TMEM131L: variants seen among roughly 807,000 people sequenced by gnomAD.
TMEM131L encodes the protein transmembrane 131 like.
TMEM131L carries 54 observed loss-of-function variants against 192.2 expected under a neutral mutation model. The observed-to-expected ratio is 0.28, with a 90% CI of 0.23 to 0.35. The LOEUF (loss-of-function observed/expected upper bound fraction) is 0.35. Among genes scored for constraint, TMEM131L ranks in the 10% least tolerant of loss-of-function variants. TMEM131L has a pLI of 1.00. For synonymous variants in TMEM131L, 701 were observed against 704.9 expected (o/e 0.99, Z 0.09); for missense variants, 1,888 against 1,972.9 (o/e 0.96, Z 0.82).
chr4:153,482,531 G>A (rs1173369380), intron 3 of TMEM131L, among the ~76,000 whole-genome samples: 2 of 152,126 alleles, frequency 1.3e-5, no homozygotes, highest in African/African-American at 4.8e-5. Flanking sequence ...CAGAAAAATA[G>A]TACAGTAAGA....
chr4:153,595,724 A>AAAAC (rs201994723), intron 19 of TMEM131L, among the ~76,000 whole-genome samples: 38,924 of 149,642 alleles, frequency 0.26, 5,492 homozygotes, highest in Non-Finnish European at 0.33. Context: ...CAAAAAAAAA[A>AAAAC]AAAAACACGA....
At chr4:153,557,142 G>C in intron 6 of TMEM131L, 60 bp downstream of exon 6, 1 of 760,618 alleles carries the variant, frequency 1.3e-6, no homozygotes, top group South Asian at 1.5e-5. Context: ...AGGGGTGTGT[G>C]TGTATATTTT....
chr4:153,481,910 G>A (rs1309396244), intron 3 of TMEM131L, among the ~76,000 whole-genome samples: 1 of 151,646 alleles, frequency 6.6e-6, no homozygotes, highest in Non-Finnish European at 1.5e-5. Context: ...GCAGTGACGC[G>A]ATCTCGGCTC....
At chr4:153,469,235 A>G (rs534967679) in intron 2 of TMEM131L, among the ~76,000 whole-genome samples, 91 of 152,226 alleles carry the variant, frequency 6.0e-4, no homozygotes, top group African/African-American at 2.1e-3. Flanking sequence ...ATAATTTTCT[A>G]AATACTTCAT....
rs145871674 is a variant in TMEM131L at position 153,607,062 on chromosome 4, A to T, written c.3418+2632A>T. Among the ~76,000 whole-genome samples, 22 of 152,368 alleles carry T rather than the reference A, an allele frequency of 1.4e-4. No individual in the cohort carries two copies. The East Asian group carries it at 4.2e-3, about 29-fold the overall frequency. ...ATGTACAATTTAAAATTGTTCAAGA[A>T]TTTTAAATATTAAAAATAAGAAAGG... On this transcript the variant is annotated intron_variant, in intron 25 of 34. Transcript: ENST00000409959.
intron 3 of TMEM131L, among the ~76,000 whole-genome samples, chr4:153,522,640 T>C (rs1397869921): frequency 6.6e-6 from 1 of 152,198 alleles, no homozygotes; most frequent in East Asian, 1.9e-4. Context: ...GTCCTTCAGT[T>C]ATTTCTTATT....
chr4:153,544,383 C>A (rs547694384), intron 3 of TMEM131L, among the ~76,000 whole-genome samples: 1 of 152,214 alleles, frequency 6.6e-6, no homozygotes, highest in Non-Finnish European at 1.5e-5. Flanking sequence ...CACACATCCA[C>A]AGCACGTCAC....
Position 153,602,309 on chromosome 4 carries a change from C to T in TMEM131L, c.2424C>T (p.Asp808=). 6.2e-7 allele frequency: 1 copy of T among 1,613,450 alleles called. No homozygotes were observed. Among genetic ancestry groups the T allele is most frequent in the East Asian group, 2.2e-5 (1 of 44,880 alleles). The stretch of plus-strand genomic sequence containing the variant: ...TGGATTGTCATCAGTTTTCCCTGGA[C>T]CCAAACACATCCCGCGATATCAGCA... ...EVLDCHQFSL[D]PNTSRDISIV... is the part of the protein sequence containing the mutation. The change falls in exon 22 of 35, where the codon GAC becomes GAT. Residue 808 remains aspartate, a synonymous_variant. Transcript: ENST00000409959.
At chr4:153,593,489 A>G (rs1731212358) in intron 18 of TMEM131L, among the ~76,000 whole-genome samples, 1 of 151,990 alleles carries the variant, frequency 6.6e-6, no homozygotes, top group Non-Finnish European at 1.5e-5. Flanking sequence ...TTTTTTTTCA[A>G]AAAAGTTGCT....
At chr4:153,618,440 C>T (rs1262620934) in intron 26 of TMEM131L, among the ~76,000 whole-genome samples, 3 of 144,862 alleles carry the variant, frequency 2.1e-5, no homozygotes, top group Non-Finnish European at 1.5e-5. Flanking sequence ...TGCCTCACTG[C>T]ACTCTAGCCT....
rs1197485162 is a variant in TMEM131L, at chr4:153,478,621, T to G, written c.239+4733T>G. 9.9e-5 allele frequency among the ~76,000 whole-genome samples: 15 copies of G among 152,212 alleles called. No homozygotes were observed. In the East Asian group the frequency reaches 2.9e-3, roughly 29 times the overall value. Reference sequence around the variant, plus strand: ...TAATGTTCTTTTTGGAGGCAAGTCATTAAGTGAAGTTGAGCTTCACCGACA... The same window carrying G: ...TAATGTTCTTTTTGGAGGCAAGTCAGTAAGTGAAGTTGAGCTTCACCGACA... On this transcript the variant is annotated intron_variant, in intron 3 of 34. Coordinates refer to ENST00000409959, the MANE Select transcript of TMEM131L (RefSeq NM_001131007.2).
At chr4:153,516,941 C>G (rs190379377) in intron 3 of TMEM131L, among the ~76,000 whole-genome samples, 7 of 152,176 alleles carry the variant, frequency 4.6e-5, no homozygotes, top group Non-Finnish European at 7.3e-5. Context: ...ATTCTCCTGC[C>G]TCAGGCTCCT....
chr4:153,505,216 C>T (rs1267552033), intron 3 of TMEM131L, among the ~76,000 whole-genome samples: 1 of 151,698 alleles, frequency 6.6e-6, no homozygotes, highest in Non-Finnish European at 1.5e-5. Context: ...AAGTGATTCT[C>T]CTGCCTCAGC....
intron 3 of TMEM131L, among the ~76,000 whole-genome samples, chr4:153,519,770 G>A (rs765533009): frequency 1.3e-5 from 2 of 152,200 alleles, no homozygotes; most frequent in African/African-American, 2.4e-5. Flanking sequence ...TGCATTTCTA[G>A]GAAGATGGCT....
At chr4:153,527,887 G>A (rs1033992706) in intron 3 of TMEM131L, among the ~76,000 whole-genome samples, 5 of 152,112 alleles carry the variant, frequency 3.3e-5, no homozygotes, top group Admixed American at 2.6e-4. Flanking sequence ...CCTGCCTCAG[G>A]ACCACCTTGC....
chr4:153,624,983 C>T (rs1737163667), intron 29 of TMEM131L, among the ~76,000 whole-genome samples: 2 of 152,222 alleles, frequency 1.3e-5, no homozygotes, highest in South Asian at 4.1e-4. Flanking sequence ...TTTTCCCTGT[C>T]TTGTCTCGCT....
intron 25 of TMEM131L, 149 bp downstream of exon 25, chr4:153,604,579 TTCAAG>T: frequency 1.2e-6 from 1 of 835,066 alleles, no homozygotes; most frequent in Admixed American, 3.0e-5. Context: ...AAATGAAAAG[TTCAAG>T]ACAAGACATC....
chr4:153,566,218 C>T (rs2150562684), intron 7 of TMEM131L, among the ~76,000 whole-genome samples: 1 of 151,894 alleles, frequency 6.6e-6, no homozygotes. Flanking sequence ...TCACTGCAAG[C>T]TCCGCCTCCC....
chr4:153,602,974 A>G (rs544343375), intron 23 of TMEM131L, among the ~76,000 whole-genome samples: 46 of 152,338 alleles, frequency 3.0e-4, no homozygotes, highest in Non-Finnish European at 5.3e-4. Context: ...TAGTGTGTTC[A>G]TAGGCAGTCA....
Sources: gnomAD v4.1 joint callset for allele counts (sites outside exome capture counted in the v4.1 genomes callset) on GRCh38, gnomAD v4.1.1 for gene constraint, MANE v1.5 for transcripts, NCBI Gene and HGNC (gene_info 2026-07-23, HGNC 2026-07-21) for gene names.